Variants in CACNA2D1 observed in about 807,000 individuals in gnomAD.
CACNA2D1 encodes the protein calcium voltage-gated channel auxiliary subunit alpha2delta 1.
In CACNA2D1, 53 loss-of-function variants were observed where a neutral mutation model predicts 171.5. The ratio of observed to expected loss-of-function variants is 0.31; its 90% confidence interval spans 0.25 to 0.39. CACNA2D1 has a LOEUF of 0.39. Ranked by LOEUF, CACNA2D1 falls within the 10% of genes least tolerant of loss-of-function variation. CACNA2D1 has a pLI of 1.00. For synonymous variants in CACNA2D1, 442 were observed against 443.1 expected, an observed-to-expected ratio of 1.00 and a Z score of 0.03; for missense variants, 903 against 1,299.8, an observed-to-expected ratio of 0.69 and a Z score of 4.69.
At chr7:82,073,799 T>A (rs183585318) in intron 7 of CACNA2D1, among the ~76,000 whole-genome samples, 5 of 151,934 alleles carry the variant, frequency 3.3e-5, no homozygotes, top group African/African-American at 1.2e-4. Flanking sequence ...CGGGGTTTCA[T>A]CATGTTGACC....
Position 82,195,242 on chromosome 7 carries a change from T to A in CACNA2D1, c.295-24633A>T, listed in dbSNP as rs75590633. 4.9e-3 allele frequency among the ~76,000 whole-genome samples: 743 copies of A among 152,058 alleles called. 6 individuals are homozygous for A. Among genetic ancestry groups the A allele is most frequent in the Middle Eastern group, 0.017 (5 of 294 alleles). ...AGGGAAATAGATGAGACCATCACTA[T>A]CTGGGTTGATGCGTGATGGGATGGA... On this transcript the variant is annotated intron_variant, in intron 3 of 38. Coordinates refer to ENST00000356860, the MANE Select transcript of CACNA2D1 (RefSeq NM_000722.4).
chr7:82,226,343 C>A (rs1309381636), intron 3 of CACNA2D1, among the ~76,000 whole-genome samples: 1 of 152,178 alleles, frequency 6.6e-6, no homozygotes, highest in Non-Finnish European at 1.5e-5. Flanking sequence ...TTTGTCCTCA[C>A]AGCAACCCTT....
At chr7:82,238,911 T>G (rs1803921245) in intron 3 of CACNA2D1, among the ~76,000 whole-genome samples, 2 of 152,096 alleles carry the variant, frequency 1.3e-5, no homozygotes, top group Admixed American at 1.3e-4. Flanking sequence ...TTTATTATTC[T>G]CAAAACTAAT....
intron 3 of CACNA2D1, among the ~76,000 whole-genome samples, chr7:82,233,671 G>A (rs982834579): frequency 2.0e-5 from 3 of 151,982 alleles, no homozygotes; most frequent in Non-Finnish European, 4.4e-5. Flanking sequence ...ATACTATACA[G>A]GACCTTTTTT....
chr7:82,179,452 C>T (rs892112865), intron 3 of CACNA2D1, among the ~76,000 whole-genome samples: 14 of 152,122 alleles, frequency 9.2e-5, no homozygotes, highest in Admixed American at 5.2e-4. Context: ...AGATCATCCA[C>T]TCAGAGAATG....
At chr7:81,963,981 C>T (rs1238081356) in intron 34 of CACNA2D1, 75 bp downstream of exon 34, 1 of 1,218,966 alleles carries the variant, frequency 8.2e-7, no homozygotes, top group Admixed American at 1.9e-5. Flanking sequence ...CCCCTAAATC[C>T]ATATTTTCAT....
chr7:82,286,463 G>A (rs57950460), intron 3 of CACNA2D1, among the ~76,000 whole-genome samples: 16,505 of 152,098 alleles, frequency 0.11, 2,930 homozygotes, highest in African/African-American at 0.37. Flanking sequence ...CATTGAAATG[G>A]ACACAAGGTT....
chr7:82,080,101 G>GTA (rs894632610), intron 7 of CACNA2D1, among the ~76,000 whole-genome samples: 4 of 148,498 alleles, frequency 2.7e-5, no homozygotes, highest in East Asian at 4.0e-4. Context: ...ATAGATGTGT[G>GTA]TATATATATA....
At chr7:82,211,400 C>T (rs1241575923) in intron 3 of CACNA2D1, among the ~76,000 whole-genome samples, 7 of 152,066 alleles carry the variant, frequency 4.6e-5, no homozygotes, top group South Asian at 2.1e-4. Flanking sequence ...CTATTATCCC[C>T]GCTTTGTGTC....
chr7:82,239,964 T>C (rs145431749), intron 3 of CACNA2D1, among the ~76,000 whole-genome samples: 45 of 152,278 alleles, frequency 3.0e-4, no homozygotes, highest in African/African-American at 9.1e-4. Flanking sequence ...GTAAAAAGAT[T>C]AGGACATTAA....
chr7:82,080,173 A>G (rs1377836635), intron 7 of CACNA2D1, among the ~76,000 whole-genome samples: 1 of 150,974 alleles, frequency 6.6e-6, no homozygotes, highest in Non-Finnish European at 1.5e-5. Flanking sequence ...ATAGGTGTGT[A>G]TATATATAAA....
At chr7:82,438,416 C>T (rs1585967568) in intron 1 of CACNA2D1, among the ~76,000 whole-genome samples, 3 of 152,060 alleles carry the variant, frequency 2.0e-5, no homozygotes, top group African/African-American at 4.8e-5. Context: ...TCTAATTATA[C>T]GATGTTAATA....
At chr7:82,433,016 T>C (rs12707491) in intron 1 of CACNA2D1, among the ~76,000 whole-genome samples, 1 of 151,778 alleles carries the variant, frequency 6.6e-6, no homozygotes, top group Non-Finnish European at 1.5e-5. Flanking sequence ...TGAAGCCCCA[T>C]CTCTACTAAA....
At chr7:82,069,857 C>G (rs1808114090) in intron 7 of CACNA2D1, among the ~76,000 whole-genome samples, 2 of 152,038 alleles carry the variant, frequency 1.3e-5, no homozygotes, top group Admixed American at 1.3e-4. Context: ...ATCCTAAAAA[C>G]TTCACAGTCT....
intron 26 of CACNA2D1, 148 bp from the exon 27 acceptor site, chr7:81,970,885 CTATT>C: frequency 1.6e-6 from 1 of 621,938 alleles, no homozygotes; most frequent in South Asian, 1.8e-5. Context: ...ATTTAAATAT[CTATT>C]AAATTTGTAC....
At chr7:82,100,344 A>G (rs1046259864) in intron 6 of CACNA2D1, among the ~76,000 whole-genome samples, 1 of 152,062 alleles carries the variant, frequency 6.6e-6, no homozygotes. Flanking sequence ...AAAGTTTTTT[A>G]TTTTAAATCA....
At chr7:82,201,916 TGAACAAACAA>T (rs1209358111) in intron 3 of CACNA2D1, among the ~76,000 whole-genome samples, 5 of 152,222 alleles carry the variant, frequency 3.3e-5, no homozygotes, top group African/African-American at 4.8e-5. Flanking sequence ...GAGTACCCTC[TGAACAAACAA>T]GAAATTCAAT....
At chr7:82,204,429 C>T (rs1028273094) in intron 3 of CACNA2D1, among the ~76,000 whole-genome samples, 2 of 152,154 alleles carry the variant, frequency 1.3e-5, no homozygotes, top group African/African-American at 2.4e-5. Context: ...TGCGGATGAA[C>T]GGTAACCTGT....
At position 82,403,561 on chromosome 7, in the gene CACNA2D1, C is replaced by T. The variant is rs1191879910; in HGVS notation, c.95+39804G>A. Among the ~76,000 whole-genome samples the T allele has an allele frequency of 3.9e-5, 6 of 152,160 alleles. No homozygotes were observed. In the East Asian group the frequency reaches 1.2e-3, roughly 29 times the overall value. On this transcript the variant is annotated intron_variant, in intron 1 of 38. Coordinates refer to ENST00000356860, the MANE Select transcript of CACNA2D1 (RefSeq NM_000722.4). ...GTAGCAATCCCCAATTTTATATCTG[C>T]ATCCCACAAAACCCAGAAAAGAAAT...
Sources: allele counts gnomAD v4.1 joint callset (sites outside exome capture counted in the v4.1 genomes callset), GRCh38; gene constraint gnomAD v4.1.1; transcripts MANE v1.5; gene names NCBI Gene and HGNC (gene_info 2026-07-23, HGNC 2026-07-21).